BARX2: variants seen among roughly 807,000 people sequenced by gnomAD.
BARX2 encodes BARX homeobox 2.
In BARX2, 11 loss-of-function variants were observed where a neutral mutation model predicts 25.5. The ratio of observed to expected loss-of-function variants is 0.43; its 90% CI spans 0.27 to 0.71. The LOEUF (loss-of-function observed/expected upper bound fraction) is 0.71. Ranked by LOEUF, BARX2 falls within the 30% of genes least tolerant of loss-of-function variation. The pLI, the probability that BARX2 is intolerant of heterozygous loss-of-function variation, is 0.19. For missense variants in BARX2, 360 were observed against 359.9 expected (o/e 1.00, Z 0.00); for synonymous variants, 137 against 149.5 (o/e 0.92, Z 0.61).
chr11:129,412,633 C>T (rs186166975), intron 1 of BARX2, among the ~76,000 whole-genome samples: 73 of 152,250 alleles, frequency 4.8e-4, no homozygotes, highest in African/African-American at 1.5e-3. Context: ...AGGAAGAGGG[C>T]GGTAACTTCT....
At chr11:129,438,708 A>G (rs111540057) in intron 2 of BARX2, among the ~76,000 whole-genome samples, 27 of 152,334 alleles carry the variant, frequency 1.8e-4, no homozygotes, top group African/African-American at 5.8e-4. Flanking sequence ...TCCAGAAAGC[A>G]GTCGAGAGAG....
At chr11:129,385,623 G>T (rs771338621) in intron 1 of BARX2, among the ~76,000 whole-genome samples, 38 of 152,142 alleles carry the variant, frequency 2.5e-4, no homozygotes, top group Non-Finnish European at 4.7e-4. Flanking sequence ...AGAGGCAGGG[G>T]CATGGGAGTG....
rs140641911 is a variant in BARX2 at position 129,413,419 on chromosome 11, A to G, written c.188-23332A>G. ...AGAGCGTGGCAAATGTATTTCTTGA[A>G]TACTGAGTAAGTGGCAGGTTATGCT... On this transcript the variant is annotated intron_variant, in intron 1 of 3. Transcript: ENST00000281437. 5.4e-4 allele frequency among the ~76,000 whole-genome samples: 83 copies of G among 152,308 alleles called. No homozygotes were observed. The East Asian group carries it at 0.014, about 25-fold the overall frequency.
chr11:129,402,644 A>G (rs1055563747), intron 1 of BARX2, among the ~76,000 whole-genome samples: 2 of 152,248 alleles, frequency 1.3e-5, no homozygotes, highest in African/African-American at 4.8e-5. Flanking sequence ...AATTAAAGCA[A>G]TCAATCCACT....
At position 129,392,628 on chromosome 11, in the gene BARX2, T is replaced by C. The variant is rs539179876; in HGVS notation, c.187+16406T>C. Among the ~76,000 whole-genome samples, 242 of 152,364 alleles carry C rather than the reference T, an allele frequency of 1.6e-3. 2 individuals carry two copies. Among genetic ancestry groups the C allele is most frequent in the African/African-American group, 5.4e-3 (224 of 41,578 alleles). ...TTTTTTTTTGTTTGATTCTTGTTTT[T>C]TGAGACAGAGTCTCGCTCTGTTGCC... On this transcript the variant is annotated intron_variant, in intron 1 of 3. Coordinates refer to ENST00000281437, the MANE Select transcript of BARX2 (RefSeq NM_003658.5).
Position 129,409,667 on chromosome 11 carries a change from T to C in BARX2, c.188-27084T>C, listed in dbSNP as rs1861867227. On this transcript the variant is annotated intron_variant, in intron 1 of 3. Transcript: ENST00000281437. Reference sequence around the variant, plus strand: ...TTCTTTTATTGTGCTTTTATTGTGATATCAAAAGTGCACGTGGCCTGGTTT... The same window carrying C: ...TTCTTTTATTGTGCTTTTATTGTGACATCAAAAGTGCACGTGGCCTGGTTT... 2.6e-5 allele frequency among the ~76,000 whole-genome samples: 4 copies of C among 152,226 alleles called. No homozygotes were observed. In the South Asian group the frequency reaches 8.3e-4, roughly 32 times the overall value.
intron 1 of BARX2, among the ~76,000 whole-genome samples, chr11:129,387,955 C>A (rs1246572981): frequency 6.6e-6 from 1 of 152,088 alleles, no homozygotes; most frequent in African/African-American, 2.4e-5. Flanking sequence ...GAAATGGGAA[C>A]GGGGTCACAC....
chr11:129,438,080 T>A (rs985720853), intron 2 of BARX2: 4 of 150,960 alleles, frequency 2.6e-5, no homozygotes, highest in Non-Finnish European at 4.4e-5. Context: ...ATCCCAGCAC[T>A]TTGGGAGGCC....
At chr11:129,382,495 T>C (rs1209409099) in intron 1 of BARX2, among the ~76,000 whole-genome samples, 1 of 152,194 alleles carries the variant, frequency 6.6e-6, no homozygotes, top group Non-Finnish European at 1.5e-5. Context: ...TCTTAATTTG[T>C]ACTGAGCTCG....
At chr11:129,385,403 G>A (rs966318074) in intron 1 of BARX2, among the ~76,000 whole-genome samples, 1 of 152,144 alleles carries the variant, frequency 6.6e-6, no homozygotes, top group African/African-American at 2.4e-5. Flanking sequence ...TGTCCTTTCA[G>A]AAGGAAAAAG....
Position 129,436,257 on chromosome 11 carries a change from T to C in BARX2, c.188-494T>C, listed in dbSNP as rs2135411475. The C allele has an allele frequency of 6.5e-6, 1 of 154,716 alleles. No homozygotes were observed. Among genetic ancestry groups the C allele is most frequent in the East Asian group, 1.9e-4 (1 of 5,236 alleles). The allele number at this position is 154,716 out of a possible 1,614,324, so 9.6% of individuals were successfully genotyped here. A position where few individuals can be genotyped will look rare whatever the true frequency, so the allele number is the denominator to read the frequency against. On this transcript the variant is annotated intron_variant, in intron 1 of 3. Transcript: ENST00000281437. The surrounding 1 kb of genome is among the most constrained non-coding windows in gnomAD (Gnocchi z 4.5). Reference sequence around the variant, plus strand: ...TGAATTAAATAATCCGAAAGCATCCTGTCAAGCTCTGAAAAATGCTATGCT... The same window carrying C: ...TGAATTAAATAATCCGAAAGCATCCCGTCAAGCTCTGAAAAATGCTATGCT...
chr11:129,399,720 T>C (rs1861757195), intron 1 of BARX2, among the ~76,000 whole-genome samples: 1 of 152,192 alleles, frequency 6.6e-6, no homozygotes, highest in Non-Finnish European at 1.5e-5. Flanking sequence ...CAGTCACTTA[T>C]ACCCCCTTTT....
chr11:129,387,735 G>A (rs1003341295), intron 1 of BARX2, among the ~76,000 whole-genome samples: 1 of 152,170 alleles, frequency 6.6e-6, no homozygotes, highest in African/African-American at 2.4e-5. Flanking sequence ...TTTCTACTGG[G>A]AGATTGGGCC....
chr11:129,412,843 A>G lies in BARX2; in HGVS notation c.188-23908A>G, dbSNP rs569328779. Among the ~76,000 whole-genome samples the G allele has an allele frequency of 5.3e-5, 8 of 152,338 alleles. No homozygotes were observed. In the South Asian group the frequency reaches 8.3e-4, roughly 16 times the overall value. ...GTTAGGGACTATTAATTGAGTGCCA[A>G]TGATGTGTCTGGCCCTAAAATAAGT... On this transcript the variant is annotated intron_variant, in intron 1 of 3. Transcript: ENST00000281437.
chr11:129,392,899 C>G (rs1030163380), intron 1 of BARX2, among the ~76,000 whole-genome samples: 1 of 152,166 alleles, frequency 6.6e-6, no homozygotes, highest in Non-Finnish European at 1.5e-5. Flanking sequence ...GTGTGAGCCA[C>G]TGCGCCCGGC....
chr11:129,379,880 ACAGC>A (rs1392108450), intron 1 of BARX2, among the ~76,000 whole-genome samples: 1 of 151,550 alleles, frequency 6.6e-6, no homozygotes, highest in South Asian at 2.1e-4. Flanking sequence ...TGGACATTTT[ACAGC>A]CTGCGAATAG....
chr11:129,440,772 C>G (rs191352410), intron 2 of BARX2, among the ~76,000 whole-genome samples: 3 of 152,278 alleles, frequency 2.0e-5, no homozygotes. Flanking sequence ...CTGTGGGCCT[C>G]CCTGATAGTT....
chr11:129,446,921 A>G (rs917735532), intron 3 of BARX2, among the ~76,000 whole-genome samples: 2 of 152,208 alleles, frequency 1.3e-5, no homozygotes, highest in Admixed American at 1.3e-4. Context: ...AGAGAGAGAC[A>G]GAGAAAAAGG....
rs906254121 is a variant in BARX2 at position 129,427,197 on chromosome 11, A to G, written c.188-9554A>G. Among the ~76,000 whole-genome samples the G allele has an allele frequency of 5.9e-5, 9 of 152,300 alleles. No homozygotes were observed. In the East Asian group the frequency reaches 1.5e-3, roughly 26 times the overall value. The stretch of plus-strand genomic sequence containing the variant: ...CACTTCACATACATTAATGCCGTTA[A>G]TCCTCACGATAATCCAGGAGGGAGA... On this transcript the variant is annotated intron_variant, in intron 1 of 3. Transcript: ENST00000281437.
Sources: allele counts gnomAD v4.1 joint callset (sites outside exome capture counted in the v4.1 genomes callset), GRCh38; gene constraint gnomAD v4.1.1; non-coding constraint Gnocchi (gnomAD v3.1); transcripts MANE v1.5; gene names NCBI Gene and HGNC (gene_info 2026-07-23, HGNC 2026-07-21).